The following SEPTIN9 variants were observed in gnomAD, a reference collection of about 807,000 sequenced individuals.
The protein encoded by SEPTIN9 is septin 9.
SEPTIN9 carries 13 observed loss-of-function variants against 56.6 expected under a neutral mutation model. The observed-to-expected ratio is 0.23, with a 90% CI of 0.15 to 0.37. The LOEUF (loss-of-function observed/expected upper bound fraction) is 0.37. Among genes scored for constraint, SEPTIN9 ranks in the 10% least tolerant of loss-of-function variants. The probability of loss-of-function intolerance (pLI) is 1.00; values close to 1 mark genes in which losing one functional copy is unlikely to be tolerated. For missense variants in SEPTIN9, 650 were observed against 823.1 expected, an observed-to-expected ratio of 0.79 and a Z score of 2.57; for synonymous variants, 332 against 334.1, an observed-to-expected ratio of 0.99 and a Z score of 0.07.
chr17:77,402,348 C>T lies in SEPTIN9; in HGVS notation c.366C>T (p.Ala122=), dbSNP rs373004491. 127 of 1,612,488 alleles carry T rather than the reference C, an allele frequency of 7.9e-5. No individual in the cohort carries two copies. Among genetic ancestry groups the T allele is most frequent in the South Asian group, 4.0e-4 (36 of 91,028 alleles). Residue 122 remains alanine, a synonymous_variant, in exon 3 of 12, where the codon GCC becomes GCT. Coordinates refer to ENST00000427177, the MANE Select transcript of SEPTIN9 (RefSeq NM_001113491.2). This position sits in a 1 kb window ranked among gnomAD's most constrained non-coding sequence, Gnocchi z 6.6. ...IDISSKQVEN[A]GAIGPSRFGL... ...TCTCGTCCAAGCAGGTGGAGAACGC[C>T]GGGGCCATCGGCCCGTCCCGGTTCG...
At position 77,326,175 on chromosome 17, in the gene SEPTIN9, A is replaced by T. The variant is rs1462617350; in HGVS notation, c.76+18978A>T. Among the ~76,000 whole-genome samples the T allele has an allele frequency of 6.6e-6, 1 of 151,450 alleles. No homozygotes were observed. Among genetic ancestry groups the T allele is most frequent in the Non-Finnish European group, 1.5e-5 (1 of 67,920 alleles). On this transcript the variant is annotated intron_variant, in intron 2 of 11. Coordinates refer to ENST00000427177, the MANE Select transcript of SEPTIN9 (RefSeq NM_001113491.2). This position sits in a 1 kb window ranked among gnomAD's most constrained non-coding sequence, Gnocchi z 5.1. Reference sequence around the variant, plus strand: ...CATGTGGTCCGCCCAGCAACCTTTGACCCCCAACATGACAAAATAAACCTC... The same window carrying T: ...CATGTGGTCCGCCCAGCAACCTTTGTCCCCCAACATGACAAAATAAACCTC...
At chr17:77,301,430 G>A (rs1320260629) in intron 1 of SEPTIN9, among the ~76,000 whole-genome samples, 1 of 117,160 alleles carries the variant, frequency 8.5e-6, no homozygotes, top group Non-Finnish European at 1.9e-5. Flanking sequence ...GTGTGTGTGT[G>A]TGTGTGTGTT....
At chr17:77,478,499 T>C (rs2039314828) in intron 3 of SEPTIN9, among the ~76,000 whole-genome samples, 1 of 152,060 alleles carries the variant, frequency 6.6e-6, no homozygotes, top group Non-Finnish European at 1.5e-5. Flanking sequence ...CGCGGTCAAA[T>C]GAATGGAGAA....
chr17:77,288,015 G>C, intron 1 of SEPTIN9: 1 of 1,061,034 alleles, frequency 9.4e-7, no homozygotes, highest in Non-Finnish European at 1.1e-6. Flanking sequence ...GAGGAACCCT[G>C]GATGGCCACT....
intron 2 of SEPTIN9, among the ~76,000 whole-genome samples, chr17:77,388,566 C>T (rs2035419792): frequency 6.6e-6 from 1 of 152,186 alleles, no homozygotes; most frequent in African/African-American, 2.4e-5. Flanking sequence ...TGGATCATGT[C>T]ATTCAGTGCC....
At position 77,330,439 on chromosome 17, in the gene SEPTIN9, T is replaced by G. The variant is rs2033305033; in HGVS notation, c.76+23242T>G. On this transcript the variant is annotated intron_variant, in intron 2 of 11. Transcript: ENST00000427177. This position sits in a 1 kb window ranked among gnomAD's most constrained non-coding sequence, Gnocchi z 4.4. ...TTGATGTGGGCCCTGAGCCATAATC[T>G]CACCAGCTCCTGAGTTTTGGCGCTG... Among the ~76,000 whole-genome samples the G allele has an allele frequency of 6.6e-6, 1 of 152,176 alleles. No individual in the cohort carries two copies. The highest frequency in any genetic ancestry group is 2.4e-5 in the African/African-American group (1 of 41,440).
At chr17:77,314,341 C>CTTTTTT (rs33986509) in intron 2 of SEPTIN9, among the ~76,000 whole-genome samples, 1 of 67,962 alleles carries the variant, frequency 1.5e-5, no homozygotes, top group African/African-American at 6.2e-5. Flanking sequence ...TGTGCCTGGA[C>CTTTTTT]TTTTTTTTTT....
chr17:77,495,790 A>G (rs2574852), intron 10 of SEPTIN9, among the ~76,000 whole-genome samples: 63,126 of 152,094 alleles, frequency 0.42, 13,954 homozygotes, highest in East Asian at 0.82. Flanking sequence ...GGCAACCGGC[A>G]TAGCACTGAG....
intron 3 of SEPTIN9, among the ~76,000 whole-genome samples, chr17:77,454,788 C>T (rs907651410): frequency 4.6e-5 from 7 of 152,262 alleles, no homozygotes; most frequent in African/African-American, 1.7e-4. Context: ...GAGAGCTTAA[C>T]ACCCAGAGGT....
chr17:77,376,117 A>G, intron 2 of SEPTIN9: 2 of 986,498 alleles, frequency 2.0e-6, no homozygotes, highest in East Asian at 1.1e-4. Context: ...GAGGGAGAGT[A>G]GGAATTGGAT....
intron 3 of SEPTIN9, among the ~76,000 whole-genome samples, chr17:77,458,141 G>A (rs2038297712): frequency 6.6e-6 from 1 of 152,202 alleles, no homozygotes. Flanking sequence ...AATGTTTCAA[G>A]CTTCCAGCAG....
chr17:77,320,956 C>T (rs1239058505), intron 2 of SEPTIN9, among the ~76,000 whole-genome samples: 2 of 152,226 alleles, frequency 1.3e-5, no homozygotes, highest in African/African-American at 2.4e-5. Flanking sequence ...CCCATCAGGG[C>T]GTGAACAGGC....
At position 77,499,163 on chromosome 17, in the gene SEPTIN9, G is replaced by A. The variant is rs561942791; in HGVS notation, c.*505G>A. On this transcript the variant is annotated 3_prime_UTR_variant, in exon 12 of 12. Transcript: ENST00000427177. ...CTGGACCCCCTGCCCGCCACATGGT[G>A]TGGCCATCACTCAGCCCCTACCCCT... 1.1e-5 allele frequency: 6 copies of A among 537,780 alleles called. No homozygotes were observed. In the East Asian group the frequency reaches 1.2e-4, roughly 10 times the overall value. The allele number at this position is 537,780 out of a possible 1,614,324, so 33.3% of individuals were successfully genotyped here.
chr17:77,339,816 G>T (rs1324058999), intron 2 of SEPTIN9, among the ~76,000 whole-genome samples: 5 of 90,230 alleles, frequency 5.5e-5, no homozygotes, highest in East Asian at 0.011. Flanking sequence ...GGCCCTATTT[G>T]TTTTTTTTTT....
chr17:77,488,867 A>ACGT lies in SEPTIN9; in HGVS notation c.1262+5_1262+7dup. Reference sequence around the variant, plus strand: ...TTCATCCCCGCCACCGGCCACTCGTACGTCCCTGCAGTGTCGGCGTCCTCA... The same window carrying ACGT: ...TTCATCCCCGCCACCGGCCACTCGTACGTCGTCCCTGCAGTGTCGGCGTCCTCA... On this transcript the variant is annotated splice_donor_region_variant and intron_variant, in intron 7 of 11. Transcript: ENST00000427177. 1 of 1,613,374 alleles carries ACGT rather than the reference A, an allele frequency of 6.2e-7. No individual in the cohort carries two copies. Among genetic ancestry groups the ACGT allele is most frequent in the South Asian group, 1.1e-5 (1 of 91,078 alleles).
Position 77,487,458 on chromosome 17 carries a change from C to T in SEPTIN9, c.948C>T (p.Asn316=). Residue 316 remains asparagine (N), a synonymous_variant, in exon 5 of 12, where the codon AAC becomes AAT. Coordinates refer to ENST00000427177, the MANE Select transcript of SEPTIN9 (RefSeq NM_001113491.2). This position sits in a 1 kb window ranked among gnomAD's most constrained non-coding sequence, Gnocchi z 4.3. ...QSGLGKSTLI[N]TLFKSKISRK... is the part of the protein sequence containing the mutation. ...GCTTGGGTAAATCCACCTTAATCAA[C>T]ACCCTCTTCAAATCCAAAATCAGCC... is the stretch of plus-strand genomic sequence containing the variant. 1 of 1,609,756 alleles carries T rather than the reference C, an allele frequency of 6.2e-7. No homozygotes were observed. Among genetic ancestry groups the T allele is most frequent in the Admixed American group, 1.7e-5 (1 of 59,286 alleles).
intron 1 of SEPTIN9, among the ~76,000 whole-genome samples, chr17:77,289,003 A>T (rs1380646247): frequency 1.3e-5 from 2 of 152,204 alleles, no homozygotes; most frequent in African/African-American, 2.4e-5. Flanking sequence ...GCGATGAGTC[A>T]TTGGATAGCA....
chr17:77,375,305 TCTC>T (rs1489713847), intron 2 of SEPTIN9: 3 of 152,202 alleles, frequency 2.0e-5, no homozygotes, highest in Admixed American at 1.3e-4. Flanking sequence ...TGTGCAGAGC[TCTC>T]CTCCTGCCTG....
chr17:77,369,445 G>A lies in SEPTIN9; in HGVS notation c.77-32614G>A, dbSNP rs1034898277. Among the ~76,000 whole-genome samples, 2 of 152,156 alleles carry A rather than the reference G, an allele frequency of 1.3e-5. No homozygotes were observed. The highest frequency in any genetic ancestry group is 2.1e-4 in the South Asian group (1 of 4,832). On this transcript the variant is annotated intron_variant, in intron 2 of 11. Coordinates refer to ENST00000427177, the MANE Select transcript of SEPTIN9 (RefSeq NM_001113491.2). The surrounding 1 kb of genome is among the most constrained non-coding windows in gnomAD (Gnocchi z 4.9). ...AGAAACGCACCATGGTTTGGATGCT[G>A]AGGGTGAGGGAAAGAGAGGAGTCAA...
Sources: gnomAD v4.1 joint callset for allele counts (sites outside exome capture counted in the v4.1 genomes callset) on GRCh38, gnomAD v4.1.1 for gene constraint, Gnocchi (gnomAD v3.1) non-coding constraint, MANE v1.5 for transcripts, NCBI Gene and HGNC (gene_info 2026-07-23, HGNC 2026-07-21) for gene names.